The following TMEM232 variants were observed in gnomAD, a reference collection of about 807,000 sequenced individuals.
TMEM232 encodes the protein transmembrane protein 232.
A neutral mutation model predicts 78.8 loss-of-function variants in TMEM232; 80 were observed. The observed-to-expected ratio is 1.01, with a 90% CI of 0.85 to 1.22. The LOEUF is 1.22. Among genes scored for constraint, TMEM232 ranks in the 50% most tolerant of loss-of-function variants. TMEM232 has a pLI of 0.00. For missense variants in TMEM232, 881 were observed against 742.2 expected (o/e 1.19, Z -2.17); for synonymous variants, 297 against 254.3 (o/e 1.17, Z -1.60).
rs533969213 is a variant in TMEM232, at chr5:110,426,863, T to C, written c.1704-1947A>G. 9.2e-5 allele frequency among the ~76,000 whole-genome samples: 14 copies of C among 152,074 alleles called. No homozygotes were observed. The South Asian group carries it at 2.5e-3, about 27-fold the overall frequency. The stretch of plus-strand genomic sequence containing the variant: ...AATTGTGCCAAATGCTATAAAAAGA[T>C]AAATAAAACAGAATCTTAAAATCAT... On this transcript the variant is annotated intron_variant, in intron 12 of 13. Coordinates refer to ENST00000455884, the MANE Select transcript of TMEM232 (RefSeq NM_001039763.4).
chr5:110,414,099 C>T (rs1313591040), intron 2 of TMEM232, among the ~76,000 whole-genome samples: 1 of 152,194 alleles, frequency 6.6e-6, no homozygotes, highest in Non-Finnish European at 1.5e-5. Flanking sequence ...TTGGGGAATG[C>T]TCTTTCCTCT....
chr5:110,667,152 ATT>A, intron 2 of TMEM232, 74 bp downstream of exon 2: 1 of 1,169,150 alleles, frequency 8.6e-7, no homozygotes, highest in South Asian at 1.8e-5. Flanking sequence ...CTATGGGTGA[ATT>A]TTTTTTTTCA....
intron 2 of TMEM232, among the ~76,000 whole-genome samples, chr5:110,646,947 T>C (rs969819407): frequency 2.0e-5 from 3 of 151,612 alleles, no homozygotes; most frequent in African/African-American, 7.3e-5. Context: ...TTGTTTTTTT[T>C]TCTTCTTCTT....
chr5:110,725,763 T>C (rs975127324), intron 1 of TMEM232: 1 of 152,228 alleles, frequency 6.6e-6, no homozygotes, highest in African/African-American at 2.4e-5. Context: ...ATTCTTCATG[T>C]ATTTTTTTAA....
intron 5 of TMEM232, among the ~76,000 whole-genome samples, chr5:110,633,910 A>G (rs890074155): frequency 3.9e-5 from 6 of 152,188 alleles, no homozygotes; most frequent in African/African-American, 1.4e-4. Context: ...CTGGTTTAAT[A>G]CATTTTTTAC....
chr5:110,607,832 T>G (rs561932909), intron 8 of TMEM232, among the ~76,000 whole-genome samples: 12 of 152,002 alleles, frequency 7.9e-5, no homozygotes, highest in African/African-American at 2.6e-4. Context: ...CTCCTGCTTG[T>G]AATGCATATA....
intron 5 of TMEM232, among the ~76,000 whole-genome samples, chr5:110,633,609 G>A (rs1369724481): frequency 6.6e-6 from 1 of 152,122 alleles, no homozygotes; most frequent in Non-Finnish European, 1.5e-5. Flanking sequence ...GTCTTTGGAA[G>A]TTCACCCTTT....
At chr5:110,573,529 C>A (rs1777198373) in intron 10 of TMEM232, among the ~76,000 whole-genome samples, 1 of 152,018 alleles carries the variant, frequency 6.6e-6, no homozygotes, top group Non-Finnish European at 1.5e-5. Flanking sequence ...CCACTGTTCT[C>A]TGTACTAAAG....
chr5:110,462,893 G>C (rs369234616), intron 12 of TMEM232, among the ~76,000 whole-genome samples: 54 of 152,156 alleles, frequency 3.5e-4, no homozygotes, highest in South Asian at 2.1e-4. Context: ...GATCAAATTT[G>C]AACATATGTG....
chr5:110,462,404 C>G (rs1055482178), intron 12 of TMEM232, among the ~76,000 whole-genome samples: 2 of 152,120 alleles, frequency 1.3e-5, no homozygotes, highest in African/African-American at 2.4e-5. Flanking sequence ...AAGGCAGACC[C>G]CCCTCAATCT....
intron 12 of TMEM232, among the ~76,000 whole-genome samples, chr5:110,456,116 CT>C: frequency 6.6e-6 from 1 of 152,190 alleles, no homozygotes; most frequent in African/African-American, 2.4e-5. Flanking sequence ...ATAGGTTTAT[CT>C]TTTAAAAATC....
intron 10 of TMEM232, among the ~76,000 whole-genome samples, chr5:110,569,047 T>G (rs377166987): frequency 6.6e-6 from 1 of 151,814 alleles, no homozygotes; most frequent in East Asian, 1.9e-4. Flanking sequence ...TCAAACATTA[T>G]GAAACATGGT....
chr5:110,738,082 G>A, exon 1 of TMEM232: 1 of 373,822 alleles, frequency 2.7e-6, no homozygotes. Flanking sequence ...CTCAATCAAG[G>A]TTCGCATCTG....
chr5:110,704,056 T>A (rs1440920540), intron 1 of TMEM232, among the ~76,000 whole-genome samples: 1 of 152,080 alleles, frequency 6.6e-6, no homozygotes. Context: ...TGAAAGGGGA[T>A]ACGCTCCATT....
At chr5:110,467,078 G>GA (rs926685582) in intron 12 of TMEM232, among the ~76,000 whole-genome samples, 1 of 151,584 alleles carries the variant, frequency 6.6e-6, no homozygotes, top group African/African-American at 2.4e-5. Flanking sequence ...GTTATAATCA[G>GA]AAAAAAAATT....
intron 1 of TMEM232, among the ~76,000 whole-genome samples, chr5:110,693,836 C>T (rs1428527542): frequency 6.6e-6 from 1 of 152,062 alleles, no homozygotes; most frequent in African/African-American, 2.4e-5. Context: ...GATTGGTGTA[C>T]CTGAAAGTGA....
At chr5:110,687,831 C>T (rs901115924) in intron 1 of TMEM232, among the ~76,000 whole-genome samples, 1 of 151,906 alleles carries the variant, frequency 6.6e-6, no homozygotes, top group African/African-American at 2.4e-5. Flanking sequence ...AATGGATTAT[C>T]TTATTCATTT....
intron 11 of TMEM232, among the ~76,000 whole-genome samples, chr5:110,553,720 G>T (rs570992343): frequency 1.3e-5 from 2 of 152,198 alleles, no homozygotes; most frequent in Admixed American, 1.3e-4. Context: ...TTCATGTCTT[G>T]CCTGATTGCT....
At chr5:110,408,060 A>C (rs180893954) in intron 2 of TMEM232, among the ~76,000 whole-genome samples, 60 of 152,098 alleles carry the variant, frequency 3.9e-4, no homozygotes, top group Admixed American at 9.8e-4. Flanking sequence ...ACCAAAATCT[A>C]TGGGATACAA....
Sources: allele counts gnomAD v4.1 joint callset (sites outside exome capture counted in the v4.1 genomes callset), GRCh38; gene constraint gnomAD v4.1.1; transcripts MANE v1.5; gene names NCBI Gene and HGNC (gene_info 2026-07-23, HGNC 2026-07-21).